The following KCNB2 variants were observed in gnomAD, a reference collection of about 807,000 sequenced individuals.
KCNB2 encodes potassium voltage-gated channel subfamily B member 2.
A neutral mutation model predicts 61.5 loss-of-function variants in KCNB2; 15 were observed. The observed-to-expected ratio is 0.24, with a 90% CI of 0.16 to 0.38. The LOEUF is 0.38. Among genes scored for constraint, KCNB2 ranks in the 10% least tolerant of loss-of-function variants. The pLI is 1.00. For missense variants in KCNB2, 828 were observed against 1,125.2 expected (o/e 0.74, Z 3.78); for synonymous variants, 457 against 446.0 (o/e 1.02, Z -0.31).
At chr8:72,922,385 C>G (rs1806541527) in intron 2 of KCNB2, among the ~76,000 whole-genome samples, 1 of 152,178 alleles carries the variant, frequency 6.6e-6, no homozygotes, top group African/African-American at 2.4e-5. Flanking sequence ...TGGAGAGATG[C>G]CATTTGCCTT....
chr8:72,756,556 A>C (rs117605952), intron 2 of KCNB2, among the ~76,000 whole-genome samples: 3,133 of 152,330 alleles, frequency 0.021, 40 homozygotes, highest in Non-Finnish European at 0.032. Flanking sequence ...GGAAATTGGG[A>C]GCCAAGCATC....
intron 2 of KCNB2, among the ~76,000 whole-genome samples, chr8:72,691,254 G>A (rs1406784684): frequency 1.3e-5 from 2 of 152,176 alleles, no homozygotes; most frequent in Non-Finnish European, 2.9e-5. Flanking sequence ...GCATAAAAAT[G>A]AAGTTGTGTA....
chr8:72,623,021 A>G (rs1209354988), intron 2 of KCNB2, among the ~76,000 whole-genome samples: 2 of 152,104 alleles, frequency 1.3e-5, no homozygotes, highest in Admixed American at 1.3e-4. Context: ...TTTTACCAAA[A>G]TCAGAATACA....
intron 2 of KCNB2, among the ~76,000 whole-genome samples, chr8:72,811,877 A>G (rs538049434): frequency 2.0e-5 from 3 of 152,340 alleles, no homozygotes; most frequent in South Asian, 4.1e-4. Flanking sequence ...TGCATGCGCA[A>G]TTGAGATTTA....
intron 2 of KCNB2, among the ~76,000 whole-genome samples, chr8:72,895,718 AAATCT>A (rs1165093131): frequency 6.6e-6 from 1 of 152,206 alleles, no homozygotes; most frequent in Admixed American, 6.6e-5. Context: ...TAAAAGAGGC[AAATCT>A]TTGTCCATAA....
In KCNB2 at chr8:72,686,904, G is replaced by A. The variant is rs137887616; in HGVS notation, c.579+118591G>A. Among the ~76,000 whole-genome samples the A allele has an allele frequency of 2.1e-3, 317 of 152,282 alleles. 3 individuals are homozygous for A. Among genetic ancestry groups the A allele is most frequent in the African/African-American group, 7.2e-3 (298 of 41,558 alleles). On this transcript the variant is annotated intron_variant, in intron 2 of 2. Transcript: ENST00000523207. ...AAATTATTTTATTCTCCAGGACAATGGTCTTCTTCCAAGCTGGATGGCATG... is the reference window on the plus strand; with the variant it reads ...AAATTATTTTATTCTCCAGGACAATAGTCTTCTTCCAAGCTGGATGGCATG...
At position 72,698,261 on chromosome 8, in the gene KCNB2, G is replaced by C. The variant is rs547528530; in HGVS notation, c.579+129948G>C. On this transcript the variant is annotated intron_variant, in intron 2 of 2. Coordinates refer to ENST00000523207, the MANE Select transcript of KCNB2 (RefSeq NM_004770.3). ...CAAAATCAAGAATCCAATCCCATTTGTAATAGCCACACACACACACACACA... is the reference window on the plus strand; with the variant it reads ...CAAAATCAAGAATCCAATCCCATTTCTAATAGCCACACACACACACACACA... Among the ~76,000 whole-genome samples the C allele has an allele frequency of 2.8e-3, 258 of 91,266 alleles. 3 individuals carry two copies. Among genetic ancestry groups the C allele is most frequent in the Admixed American group, 0.019 (199 of 10,240 alleles). 59.9% of individuals were successfully genotyped at this position (91,266 alleles called of 152,430 possible).
chr8:72,883,902 T>C (rs1805758349), intron 2 of KCNB2, among the ~76,000 whole-genome samples: 1 of 152,204 alleles, frequency 6.6e-6, no homozygotes, highest in Admixed American at 6.5e-5. Flanking sequence ...ACTACATCTG[T>C]CTCCCTACAC....
At chr8:72,775,670 C>T (rs1489376882) in intron 2 of KCNB2, among the ~76,000 whole-genome samples, 1 of 151,974 alleles carries the variant, frequency 6.6e-6, no homozygotes, top group African/African-American at 2.4e-5. Context: ...ACCCTCCCCC[C>T]TTCCAGCCTT....
chr8:72,624,128 A>C (rs1172764066), intron 2 of KCNB2, among the ~76,000 whole-genome samples: 1 of 152,176 alleles, frequency 6.6e-6, no homozygotes, highest in African/African-American at 2.4e-5. Flanking sequence ...TCAAATCTCT[A>C]TAATGTTCAT....
At chr8:72,744,306 G>T (rs1308537533) in intron 2 of KCNB2, among the ~76,000 whole-genome samples, 1 of 152,146 alleles carries the variant, frequency 6.6e-6, no homozygotes, top group African/African-American at 2.4e-5. Flanking sequence ...TGAGTATTGT[G>T]CATTTCCTAA....
intron 2 of KCNB2, among the ~76,000 whole-genome samples, chr8:72,643,593 G>A (rs780803859): frequency 1.3e-5 from 2 of 152,066 alleles, no homozygotes; most frequent in African/African-American, 2.4e-5. Flanking sequence ...AGAATGCAGT[G>A]CTCATATTTG....
intron 2 of KCNB2, among the ~76,000 whole-genome samples, chr8:72,903,436 C>T (rs1453397875): frequency 6.6e-6 from 1 of 152,132 alleles, no homozygotes; most frequent in Non-Finnish European, 1.5e-5. Context: ...ATTCAACTGG[C>T]TGGACATGAT....
chr8:72,665,983 C>A (rs945106422), intron 2 of KCNB2, among the ~76,000 whole-genome samples: 1 of 152,240 alleles, frequency 6.6e-6, no homozygotes, highest in Non-Finnish European at 1.5e-5. Flanking sequence ...CTCCCCATGT[C>A]CCCTGGGACA....
chr8:72,646,700 T>G (rs1281397922), intron 2 of KCNB2, among the ~76,000 whole-genome samples: 2 of 152,076 alleles, frequency 1.3e-5, no homozygotes, highest in Non-Finnish European at 2.9e-5. Context: ...AGGCAGAACA[T>G]AGAATGGCGG....
At chr8:72,821,624 A>G (rs1809507973) in intron 2 of KCNB2, among the ~76,000 whole-genome samples, 1 of 80,754 alleles carries the variant, frequency 1.2e-5, no homozygotes. Context: ...GTTCCTACAC[A>G]CACACACAAA....
intron 2 of KCNB2, among the ~76,000 whole-genome samples, chr8:72,599,457 A>G (rs1431358491): frequency 1.3e-5 from 2 of 152,234 alleles, no homozygotes; most frequent in Admixed American, 6.5e-5. Flanking sequence ...TTCAAGATGG[A>G]TAAAAGACTT....
In KCNB2 at chr8:72,629,387, T is replaced by C. The variant is rs146603602; in HGVS notation, c.579+61074T>C. ...TTTCTAGAAACTCCACACTTAACAATCTGTTCTCTCATTCTATCTTTGTTT... is the reference window on the plus strand; with the variant it reads ...TTTCTAGAAACTCCACACTTAACAACCTGTTCTCTCATTCTATCTTTGTTT... On this transcript the variant is annotated intron_variant, in intron 2 of 2. Coordinates refer to ENST00000523207, the MANE Select transcript of KCNB2 (RefSeq NM_004770.3). 1.5e-3 allele frequency among the ~76,000 whole-genome samples: 229 copies of C among 152,266 alleles called. 2 individuals are homozygous for C. The highest frequency in any genetic ancestry group is 5.2e-3 in the African/African-American group (217 of 41,540).
intron 2 of KCNB2, among the ~76,000 whole-genome samples, chr8:72,862,020 A>G (rs1805422124): frequency 6.6e-6 from 1 of 152,122 alleles, no homozygotes; most frequent in Non-Finnish European, 1.5e-5. Context: ...AAAAATGTAA[A>G]AATTAGCTAG....
Sources: allele counts gnomAD v4.1 joint callset (sites outside exome capture counted in the v4.1 genomes callset), GRCh38; gene constraint gnomAD v4.1.1; transcripts MANE v1.5; gene names NCBI Gene and HGNC (gene_info 2026-07-23, HGNC 2026-07-21).